GSK3B: variants seen among roughly 807,000 people sequenced by gnomAD.
GSK3B encodes the protein glycogen synthase kinase 3 beta.
A neutral mutation model predicts 56.4 loss-of-function variants in GSK3B; 15 were observed. That is an observed-to-expected ratio of 0.27 (90% CI 0.18 to 0.41). GSK3B has a LOEUF of 0.41. Ranked by LOEUF, GSK3B falls within the 10% of genes least tolerant of loss-of-function variation. The probability of loss-of-function intolerance (pLI) is 1.00; values close to 1 mark genes in which losing one functional copy is unlikely to be tolerated. For missense variants in GSK3B, 300 were observed against 513.4 expected, an observed-to-expected ratio of 0.58 and a Z score of 4.02; for synonymous variants, 181 against 188.9, an observed-to-expected ratio of 0.96 and a Z score of 0.34.
chr3:119,837,951 T>C (rs1427627258), intron 10 of GSK3B, among the ~76,000 whole-genome samples: 2 of 137,904 alleles, frequency 1.5e-5, no homozygotes, highest in South Asian at 2.1e-4. Context: ...CACATATATA[T>C]ATATATATAT....
intron 1 of GSK3B, among the ~76,000 whole-genome samples, chr3:120,026,661 G>C (rs943147140): frequency 3.3e-5 from 5 of 151,130 alleles, no homozygotes; most frequent in Non-Finnish European, 7.4e-5. Context: ...AGGTTCAAGT[G>C]ATTCTCGTGC....
chr3:120,020,480 T>G (rs564274479), intron 1 of GSK3B, among the ~76,000 whole-genome samples: 1 of 152,336 alleles, frequency 6.6e-6, no homozygotes, highest in South Asian at 2.1e-4. Flanking sequence ...TGGTAATTTT[T>G]GCAGTACTTC....
chr3:120,029,251 A>G, intron 1 of GSK3B: 1 of 720,958 alleles, frequency 1.4e-6, no homozygotes, highest in African/African-American at 1.7e-5. Context: ...AGGTTATCAC[A>G]GCTGCAAATG....
intron 1 of GSK3B, chr3:120,041,498 C>A: frequency 4.2e-6 from 1 of 240,058 alleles, no homozygotes; most frequent in East Asian, 1.1e-4. Flanking sequence ...TTGGCTACCC[C>A]AGACCAGAAA....
Position 119,863,476 on chromosome 3 carries a change from T to G in GSK3B, c.1039A>C (p.Asn347His). ...HSFFDELRDP[N>H]VKLPNGRDTP... ...TCTCGCCCATTTGGTAGTTTGACAT[T>G]TGGGTCCCGTAATTCATCAAAAAAT... The change falls in exon 9 of 11, where the codon AAT (asparagine) becomes CAT (histidine). Residue 347 changes from asparagine (N) to histidine (H), a missense_variant. By Grantham distance (68) the Asn-to-His change is moderately conservative. Around this residue, in one of 6 missense-constraint regions of GSK3B, gnomAD observed 88 missense variants for 92.7 expected, o/e 0.95. Transcript: ENST00000264235. 6.2e-7 allele frequency: 1 copy of G among 1,614,056 alleles called. No individual in the cohort carries two copies. The highest frequency in any genetic ancestry group is 8.5e-7 in the Non-Finnish European group (1 of 1,179,940).
At chr3:119,922,405 T>C (rs2056852220) in intron 4 of GSK3B, among the ~76,000 whole-genome samples, 1 of 148,062 alleles carries the variant, frequency 6.8e-6, no homozygotes, top group South Asian at 2.1e-4. Context: ...ATATACACTA[T>C]AGTATATATA....
chr3:120,021,422 A>C (rs2057876618), intron 1 of GSK3B, among the ~76,000 whole-genome samples: 1 of 151,954 alleles, frequency 6.6e-6, no homozygotes, highest in Admixed American at 6.6e-5. Context: ...AGGCTGAGGC[A>C]GGAGAATCAC....
intron 1 of GSK3B, among the ~76,000 whole-genome samples, chr3:120,008,614 T>C (rs1040847334): frequency 6.6e-6 from 1 of 152,152 alleles, no homozygotes; most frequent in South Asian, 2.1e-4. Flanking sequence ...GGGGAAAAGA[T>C]TCCCTATTTA....
At chr3:119,955,720 C>T (rs2057207399) in intron 2 of GSK3B, among the ~76,000 whole-genome samples, 1 of 152,050 alleles carries the variant, frequency 6.6e-6, no homozygotes, top group Non-Finnish European at 1.5e-5. Context: ...GTGGCATGAT[C>T]TCAAATCACT....
chr3:120,072,531 G>T lies in GSK3B; in HGVS notation c.88+20816C>A, dbSNP rs150065086. Among the ~76,000 whole-genome samples, 116 of 152,258 alleles carry T rather than the reference G, an allele frequency of 7.6e-4. 3 individuals are homozygous for T. The East Asian group carries it at 0.019, about 25-fold the overall frequency. On this transcript the variant is annotated intron_variant, in intron 1 of 10. Coordinates refer to ENST00000264235, the MANE Select transcript of GSK3B (RefSeq NM_001146156.2). ...GAACCTGAGAGGCAGAGGTTGCCAT[G>T]AGCCGAGATCATGCCACTGCACTTC...
intron 8 of GSK3B, 151 bp downstream of exon 8, chr3:119,876,262 A>G (rs2056312364): frequency 3.5e-6 from 2 of 576,578 alleles, no homozygotes; most frequent in Non-Finnish European, 6.2e-6. Context: ...TATAAAGTCA[A>G]TGAAACACTC....
intron 6 of GSK3B, among the ~76,000 whole-genome samples, chr3:119,907,592 G>C (rs749245697): frequency 1.3e-5 from 2 of 152,078 alleles, no homozygotes; most frequent in South Asian, 2.1e-4. Flanking sequence ...TAAATAGAAG[G>C]TACCGGAAAA....
chr3:120,003,672 A>G (rs1299873024), intron 1 of GSK3B, among the ~76,000 whole-genome samples: 2 of 152,260 alleles, frequency 1.3e-5, no homozygotes, highest in Non-Finnish European at 2.9e-5. Context: ...ATTATAACCA[A>G]TATTTATATC....
intron 2 of GSK3B, among the ~76,000 whole-genome samples, chr3:119,951,167 G>C (rs532405574): frequency 1.3e-5 from 2 of 152,216 alleles, no homozygotes; most frequent in African/African-American, 4.8e-5. Flanking sequence ...GTGCACATAT[G>C]GGGGTGGAGG....
chr3:119,917,661 T>TC (rs2056794970), intron 4 of GSK3B, among the ~76,000 whole-genome samples: 1 of 143,414 alleles, frequency 7.0e-6, no homozygotes, highest in African/African-American at 2.7e-5. Flanking sequence ...CGAGTTTTCT[T>TC]TTTTTTTTTT....
At chr3:119,919,255 A>T (rs1028508648) in intron 4 of GSK3B, among the ~76,000 whole-genome samples, 3 of 152,206 alleles carry the variant, frequency 2.0e-5, no homozygotes, top group African/African-American at 7.2e-5. Flanking sequence ...CATGTATGCC[A>T]AACAAGTCCT....
intron 7 of GSK3B, among the ~76,000 whole-genome samples, chr3:119,878,980 C>T (rs548099295): frequency 1.3e-5 from 2 of 152,024 alleles, no homozygotes; most frequent in African/African-American, 2.4e-5. Flanking sequence ...CTTGGTTTCA[C>T]GGGTGTAAGC....
intron 2 of GSK3B, among the ~76,000 whole-genome samples, chr3:119,997,759 A>T (rs976932833): frequency 6.6e-6 from 1 of 152,224 alleles, no homozygotes; most frequent in Non-Finnish European, 1.5e-5. Context: ...ATCAGCGGAA[A>T]AGAAAAGGAA....
At chr3:119,934,968 T>C (rs1482068883) in intron 3 of GSK3B, among the ~76,000 whole-genome samples, 2 of 152,106 alleles carry the variant, frequency 1.3e-5, no homozygotes, top group Non-Finnish European at 2.9e-5. Context: ...TTTGCTGAAA[T>C]ATTAAAATAA....
Sources: allele counts gnomAD v4.1 joint callset (sites outside exome capture counted in the v4.1 genomes callset), GRCh38; gene constraint gnomAD v4.1.1; regional missense constraint gnomAD v4.1.1; transcripts MANE v1.5; gene names NCBI Gene and HGNC (gene_info 2026-07-23, HGNC 2026-07-21).